The following BFSP1 variants were observed in gnomAD, a reference collection of about 807,000 sequenced individuals.
The protein encoded by BFSP1 is beaded filament structural protein 1, also known as filensin.
Under a neutral mutation model 43.9 loss-of-function variants are expected in BFSP1, and 38 were observed. That is an observed-to-expected ratio of 0.87 (90% CI 0.67 to 1.14). The LOEUF (loss-of-function observed/expected upper bound fraction) is 1.14, where lower values mean the gene tolerates loss of function less well. BFSP1 is among the 50% of genes most tolerant of loss of function. The probability of loss-of-function intolerance (pLI) is 0.00; values close to 1 mark genes in which losing one functional copy is unlikely to be tolerated. For synonymous variants in BFSP1, 352 were observed against 354.8 expected, an observed-to-expected ratio of 0.99 and a Z score of 0.09; for missense variants, 850 against 875.1, an observed-to-expected ratio of 0.97 and a Z score of 0.36.
intron 2 of BFSP1, among the ~76,000 whole-genome samples, chr20:17,516,288 T>C (rs1285935099): frequency 1.3e-5 from 2 of 152,064 alleles, no homozygotes; most frequent in East Asian, 1.9e-4. Context: ...GATCATGCCA[T>C]TGCACTCCAG....
chr20:17,562,518 C>T (rs560586265), upstream of BFSP1, among the ~76,000 whole-genome samples: 82 of 108,900 alleles, frequency 7.5e-4, no homozygotes, highest in African/African-American at 3.1e-3. Context: ...CAGAGTGAGA[C>T]TCTGTCTCAA....
intron 1 of BFSP1, among the ~76,000 whole-genome samples, chr20:17,536,908 C>A (rs140055378): frequency 6.6e-6 from 1 of 152,256 alleles, no homozygotes; most frequent in Non-Finnish European, 1.5e-5. Flanking sequence ...GAATTGTATT[C>A]CTCCAAATCT....
At chr20:17,513,250 G>T (rs978853285) in intron 3 of BFSP1, among the ~76,000 whole-genome samples, 1 of 152,106 alleles carries the variant, frequency 6.6e-6, no homozygotes, top group African/African-American at 2.4e-5. Flanking sequence ...CCTTCTCAGA[G>T]CCCTCCACTA....
intron 2 of BFSP1, among the ~76,000 whole-genome samples, chr20:17,524,049 C>T (rs973067825): frequency 6.6e-6 from 1 of 152,122 alleles, no homozygotes; most frequent in Non-Finnish European, 1.5e-5. Context: ...GGAAGGGCAG[C>T]CCATGTGCCC....
intron 1 of BFSP1, among the ~76,000 whole-genome samples, chr20:17,539,027 T>A (rs2034673395): frequency 6.6e-6 from 1 of 151,654 alleles, no homozygotes; most frequent in Non-Finnish European, 1.5e-5. Flanking sequence ...AAGAAGGATG[T>A]TCCAGCCCTG....
intron 4 of BFSP1, among the ~76,000 whole-genome samples, chr20:17,511,298 T>C (rs1018225724): frequency 3.9e-5 from 6 of 152,218 alleles, no homozygotes; most frequent in African/African-American, 1.4e-4. Context: ...ATCTCTATCC[T>C]TTCCCACTAG....
upstream of BFSP1, among the ~76,000 whole-genome samples, chr20:17,535,216 CATT>C (rs2034607432): frequency 6.6e-6 from 1 of 152,000 alleles, no homozygotes; most frequent in Non-Finnish European, 1.5e-5. Flanking sequence ...AAAATAATAT[CATT>C]ATTCTTAGAA....
chr20:17,535,734 A>G (rs1023571031), upstream of BFSP1, among the ~76,000 whole-genome samples: 1 of 152,282 alleles, frequency 6.6e-6, no homozygotes, highest in East Asian at 1.9e-4. Flanking sequence ...AAAGTTTGAA[A>G]TTATTTTCCA....
intron 2 of BFSP1, among the ~76,000 whole-genome samples, chr20:17,517,905 C>T (rs1332671127): frequency 6.6e-6 from 1 of 152,172 alleles, no homozygotes; most frequent in Non-Finnish European, 1.5e-5. Context: ...CATCTTGTTC[C>T]TCCTCAGTGC....
intron 1 of BFSP1, among the ~76,000 whole-genome samples, chr20:17,538,084 G>A (rs746171951): frequency 2.6e-5 from 4 of 151,468 alleles, no homozygotes; most frequent in Admixed American, 1.3e-4. Flanking sequence ...CTGTGCCACT[G>A]CACTCCAGCC....
At chr20:17,503,974 A>G (rs1309449295) in intron 5 of BFSP1, among the ~76,000 whole-genome samples, 1 of 152,142 alleles carries the variant, frequency 6.6e-6, no homozygotes, top group Non-Finnish European at 1.5e-5. Flanking sequence ...CTACCCTACA[A>G]GTGGAGTGCA....
intron 1 of BFSP1, among the ~76,000 whole-genome samples, chr20:17,547,516 C>G (rs2123572845): frequency 6.6e-6 from 1 of 152,292 alleles, no homozygotes; most frequent in African/African-American, 2.4e-5. Flanking sequence ...CTTTAACCAT[C>G]TGTACCCCTG....
At chr20:17,516,408 G>A (rs549456862) in intron 2 of BFSP1, among the ~76,000 whole-genome samples, 13 of 152,180 alleles carry the variant, frequency 8.5e-5, no homozygotes, top group Non-Finnish European at 1.6e-4. Context: ...CACTGGTGTA[G>A]TAAGATTTCT....
upstream of BFSP1, among the ~76,000 whole-genome samples, chr20:17,559,763 C>T (rs1378578733): frequency 1.3e-5 from 2 of 152,058 alleles, no homozygotes; most frequent in African/African-American, 2.4e-5. Context: ...CTAACTAATG[C>T]CAGATGATCT....
chr20:17,568,495 G>A (rs1204222825), intron 1 of BFSP1, among the ~76,000 whole-genome samples: 1 of 152,052 alleles, frequency 6.6e-6, no homozygotes, highest in Non-Finnish European at 1.5e-5. Flanking sequence ...TGTGGTCTCG[G>A]ACTGGCATCT....
Position 17,494,201 on chromosome 20 carries a change from A to G in BFSP1, c.1871T>C (p.Val624Ala). ...GGAAATCTTCTCGATAGATTCCACC[A>G]CTTCCACTGTCTTATAGGCCAAAGC... ...PKALAYKTVEVVESIEKISTE... is the reference protein window; with the variant it reads ...PKALAYKTVEAVESIEKISTE... The change falls in exon 8 of 8, where the codon GTG becomes GCG. Residue 624 changes from valine to alanine, a missense_variant. Coordinates refer to ENST00000377873, the MANE Select transcript of BFSP1 (RefSeq NM_001195.5). 1.2e-6 allele frequency: 2 copies of G among 1,614,186 alleles called. No homozygotes were observed. Among genetic ancestry groups the G allele is most frequent in the Non-Finnish European group, 8.5e-7 (1 of 1,180,038 alleles).
At position 17,496,944 on chromosome 20, in the gene BFSP1, C is replaced by A; in HGVS notation, c.1036G>T (p.Gly346Trp). 2 of 1,537,206 alleles carry A rather than the reference C, an allele frequency of 1.3e-6. No individual in the cohort carries two copies. Among genetic ancestry groups the A allele is most frequent in the South Asian group, 1.2e-5 (1 of 80,954 alleles). ...CAGTGTTGGGGAGCGTTACCTTTCC[C>A]ACCGGATCCAGTGCTGAGAGAGACT... ...HGVSLSTGSG[G>W]KDLTRALQDI... is the part of the protein sequence containing the mutation. The change falls in exon 7 of 8, where the codon GGG becomes TGG. Residue 346 changes from glycine to tryptophan, a missense_variant. By Grantham distance (184) the Gly-to-Trp change is radical (BLOSUM62 -2). Coordinates refer to ENST00000377873, the MANE Select transcript of BFSP1 (RefSeq NM_001195.5).
intron 1 of BFSP1, among the ~76,000 whole-genome samples, chr20:17,538,682 C>G (rs1436099190): frequency 1.3e-5 from 2 of 152,208 alleles, no homozygotes; most frequent in Non-Finnish European, 2.9e-5. Context: ...CGTACCAACT[C>G]ATCGTCATTC....
chr20:17,520,210 G>GGGGGGGGGGGCCCCCCCCCCCCCCCCCC, intron 2 of BFSP1, among the ~76,000 whole-genome samples: 1 of 133,426 alleles, frequency 7.5e-6, no homozygotes, highest in South Asian at 2.5e-4. Flanking sequence ...GTTTTAACGT[G>GGGGGGGGGGGCCCCCCCCCCCCCCCCCC]CCCCCCCACC....
Sources: allele counts gnomAD v4.1 joint callset (sites outside exome capture counted in the v4.1 genomes callset), GRCh38; gene constraint gnomAD v4.1.1; transcripts MANE v1.5; gene names NCBI Gene and HGNC (gene_info 2026-07-23, HGNC 2026-07-21).